Variants in CNNM4 observed in about 807,000 individuals in gnomAD.
CNNM4 encodes metal transporter CNNM4.
A neutral mutation model predicts 53.7 loss-of-function variants in CNNM4; 32 were observed. That is an observed-to-expected ratio of 0.60 (90% CI 0.45 to 0.80). The LOEUF is 0.80. Among genes scored for constraint, CNNM4 ranks in the 30% least tolerant of loss-of-function variants. The pLI is 0.00. For synonymous variants in CNNM4, 410 were observed against 440.0 expected (o/e 0.93, Z 0.85); for missense variants, 784 against 1,022.0 (o/e 0.77, Z 3.17).
intron 5 of CNNM4, among the ~76,000 whole-genome samples, chr2:96,802,956 C>A (rs1464564734): frequency 6.6e-6 from 1 of 152,190 alleles, no homozygotes; most frequent in Non-Finnish European, 1.5e-5. Context: ...GCAGCACCAG[C>A]ATCTTTCAGC....
At chr2:96,803,691 G>A (rs543354959) in intron 5 of CNNM4, among the ~76,000 whole-genome samples, 302 of 150,998 alleles carry the variant, frequency 2.0e-3, no homozygotes, top group Non-Finnish European at 2.5e-3. Flanking sequence ...GTGCCATTGC[G>A]CTCTAGCCTG....
rs1207256820 is a variant in CNNM4 at position 96,774,972 on chromosome 2, A to G, written c.1402+12571A>G. 8.0e-5 allele frequency among the ~76,000 whole-genome samples: 10 copies of G among 125,410 alleles called. No homozygotes were observed. In the East Asian group the frequency reaches 1.0e-3, roughly 13 times the overall value. 82.3% of individuals were successfully genotyped at this position (125,410 alleles called of 152,430 possible). ...TGAGACTCCATCTCAAAAAAAAAAA[A>G]AAAAAAAAAAAAAAAAAAAAAAAAA... On this transcript the variant is annotated intron_variant, in intron 1 of 6. Coordinates refer to ENST00000377075, the MANE Select transcript of CNNM4 (RefSeq NM_020184.4).
intron 5 of CNNM4, among the ~76,000 whole-genome samples, chr2:96,804,103 A>G (rs907035098): frequency 4.6e-5 from 7 of 151,050 alleles, no homozygotes; most frequent in Admixed American, 6.6e-5. Context: ...GGGTCTCACT[A>G]TGTTGTCCAG....
chr2:96,774,699 C>T (rs1281189201), intron 1 of CNNM4, among the ~76,000 whole-genome samples: 1 of 152,094 alleles, frequency 6.6e-6, no homozygotes, highest in Admixed American at 6.6e-5. Context: ...TGCAGTGGCT[C>T]ACGCCTGTAA....
rs2079254323 is a variant in CNNM4, at chr2:96,811,188, G to T, written c.*1671G>T. On this transcript the variant is annotated 3_prime_UTR_variant, in exon 7 of 7. Transcript: ENST00000377075. ...TCTCCTAGCCATAGAACTGACTCCT[G>T]GAAGCCTGGAGAGAAGGTGGTGACA... 1 of 152,256 alleles carries T rather than the reference G, an allele frequency of 6.6e-6. No homozygotes were observed. Among genetic ancestry groups the T allele is most frequent in the African/African-American group, 2.4e-5 (1 of 41,432 alleles). The allele number at this position is 152,256 out of a possible 1,614,324, so 9.4% of individuals were successfully genotyped here.
rs746510908 is a variant in CNNM4 at position 96,762,442 on chromosome 2, A to C, written c.1402+41A>C. On this transcript the variant is annotated intron_variant, in intron 1 of 6. Coordinates refer to ENST00000377075, the MANE Select transcript of CNNM4 (RefSeq NM_020184.4). ...GTTCCCCTGGTTCAATTTCCTCTTG[A>C]CGCCTCTTTTCCCCTGGCGTGTTTT... 7 of 1,571,722 alleles carry C rather than the reference A, an allele frequency of 4.5e-6. No homozygotes were observed. In the South Asian group the frequency reaches 7.8e-5, roughly 17 times the overall value.
At chr2:96,765,693 G>C (rs1483769129) in intron 1 of CNNM4, among the ~76,000 whole-genome samples, 1 of 152,186 alleles carries the variant, frequency 6.6e-6, no homozygotes, top group African/African-American at 2.4e-5. Context: ...TTGGTAAAGA[G>C]ACGGGTCTCC....
intron 1 of CNNM4, among the ~76,000 whole-genome samples, chr2:96,767,986 C>T (rs564972898): frequency 2.6e-5 from 4 of 152,276 alleles, no homozygotes; most frequent in Admixed American, 6.5e-5. Flanking sequence ...GCAGGAGAAT[C>T]GCTTGAACGG....
At chr2:96,777,201 A>G (rs2078932762) in intron 1 of CNNM4, among the ~76,000 whole-genome samples, 1 of 150,202 alleles carries the variant, frequency 6.7e-6, no homozygotes, top group African/African-American at 2.5e-5. Flanking sequence ...TTGTATTTTT[A>G]GTAGAAACAG....
Position 96,808,823 on chromosome 2 carries a change from A to T in CNNM4, c.2130+81A>T. On this transcript the variant is annotated intron_variant, in intron 6 of 6. Coordinates refer to ENST00000377075, the MANE Select transcript of CNNM4 (RefSeq NM_020184.4). This position sits in a 1 kb window ranked among gnomAD's most constrained non-coding sequence, Gnocchi z 4.9. ...ACTACTTTCATCCACCAAACCCAGC[A>T]TGGTGGGCCCAAACCCGAGATGCCT... 2 of 1,421,434 alleles carry T rather than the reference A, an allele frequency of 1.4e-6. No individual in the cohort carries two copies. The highest frequency in any genetic ancestry group is 2.0e-6 in the Non-Finnish European group (2 of 1,010,750). 88.1% of individuals were successfully genotyped at this position (1,421,434 alleles called of 1,614,324 possible).
intron 1 of CNNM4, among the ~76,000 whole-genome samples, chr2:96,790,732 C>T (rs2079055245): frequency 6.6e-6 from 1 of 151,154 alleles, no homozygotes; most frequent in Admixed American, 6.6e-5. Context: ...GTAATCCCAG[C>T]ACTTTGGGAG....
intron 1 of CNNM4, among the ~76,000 whole-genome samples, chr2:96,783,678 CCTTT>C (rs747857169): frequency 7.9e-5 from 12 of 152,108 alleles, no homozygotes; most frequent in Non-Finnish European, 1.2e-4. Context: ...CACACAAAAC[CCTTT>C]CTTTGACTCC....
chr2:96,778,921 T>G (rs1219554940), intron 1 of CNNM4, among the ~76,000 whole-genome samples: 1 of 152,180 alleles, frequency 6.6e-6, no homozygotes, highest in African/African-American at 2.4e-5. Flanking sequence ...ATCTACTGTC[T>G]AAGTCTGGTT....
chr2:96,806,535 A>ACACGCGCGCGCGCGCGCG (rs374638753), intron 5 of CNNM4, among the ~76,000 whole-genome samples: 1 of 123,942 alleles, frequency 8.1e-6, no homozygotes, highest in Non-Finnish European at 1.8e-5. Flanking sequence ...ACACACACAC[A>ACACGCGCGCGCGCGCGCG]CGCGCGCGCG....
In CNNM4 at chr2:96,808,457, C is replaced by T; in HGVS notation, c.1949-104C>T. The T allele has an allele frequency of 8.7e-7, 1 of 1,154,866 alleles. No individual in the cohort carries two copies. Among genetic ancestry groups the T allele is most frequent in the East Asian group, 2.5e-5 (1 of 40,318 alleles). 71.5% of individuals were successfully genotyped at this position (1,154,866 alleles called of 1,614,324 possible). On this transcript the variant is annotated intron_variant, in intron 5 of 6. Coordinates refer to ENST00000377075, the MANE Select transcript of CNNM4 (RefSeq NM_020184.4). The surrounding 1 kb of genome is among the most constrained non-coding windows in gnomAD (Gnocchi z 4.9). ...TTGTCCCTAAGAATGACTTCCTGTTCCTGGGTGGGGTGTCCCTGGGCTTCC... is the reference window on the plus strand; with the variant it reads ...TTGTCCCTAAGAATGACTTCCTGTTTCTGGGTGGGGTGTCCCTGGGCTTCC...
At position 96,801,068 on chromosome 2, in the gene CNNM4, C is replaced by T; in HGVS notation, c.1948+1420C>T. 1.0e-6 allele frequency: 1 copy of T among 985,280 alleles called. No homozygotes were observed. Among genetic ancestry groups the T allele is most frequent in the African/African-American group, 1.7e-5 (1 of 57,354 alleles). The allele number at this position is 985,280 out of a possible 1,614,324, so 61.0% of individuals were successfully genotyped here. ...CCCATCACTGACCTTCTCTTTTGCT[C>T]CAGTGCCTTCAGTCCAGGTCGGGTG... On this transcript the variant is annotated intron_variant, in intron 5 of 6. Transcript: ENST00000377075. The surrounding 1 kb of genome is among the most constrained non-coding windows in gnomAD (Gnocchi z 5.6).
intron 1 of CNNM4, among the ~76,000 whole-genome samples, chr2:96,783,565 C>T (rs2078991982): frequency 6.6e-6 from 1 of 152,140 alleles, no homozygotes; most frequent in South Asian, 2.1e-4. Flanking sequence ...CTGAAACCTG[C>T]CATTTTTGGT....
intron 1 of CNNM4, among the ~76,000 whole-genome samples, chr2:96,789,128 C>T (rs1264672679): frequency 6.6e-6 from 1 of 151,986 alleles, no homozygotes; most frequent in Non-Finnish European, 1.5e-5. Flanking sequence ...GGTAGCATGG[C>T]GAGGAGCGAG....
intron 1 of CNNM4, among the ~76,000 whole-genome samples, chr2:96,776,419 T>C (rs1487723490): frequency 1.3e-5 from 2 of 152,204 alleles, no homozygotes; most frequent in Non-Finnish European, 2.9e-5. Flanking sequence ...TGTAATCAAA[T>C]CAGGGTAATT....
Sources: allele counts gnomAD v4.1 joint callset (sites outside exome capture counted in the v4.1 genomes callset), GRCh38; gene constraint gnomAD v4.1.1; non-coding constraint Gnocchi (gnomAD v3.1); transcripts MANE v1.5; gene names NCBI Gene and HGNC (gene_info 2026-07-23, HGNC 2026-07-21).